The following PDZD9 variants were observed in gnomAD, a reference collection of about 807,000 sequenced individuals.
PDZD9 encodes PDZ domain-containing protein 9.
A neutral mutation model predicts 16.3 loss-of-function variants in PDZD9; 13 were observed. That is an observed-to-expected ratio of 0.80 (90% CI 0.52 to 1.27). The LOEUF is 1.27. Ranked by LOEUF, PDZD9 falls within the 50% of genes most tolerant of loss-of-function variation. PDZD9 has a pLI of 0.00. For missense variants in PDZD9, 288 were observed against 310.9 expected (o/e 0.93, Z 0.55); for synonymous variants, 120 against 111.0 (o/e 1.08, Z -0.51).
At chr16:21,978,383 T>G in the PDZD9 span, among the ~76,000 whole-genome samples, 4 of 152,244 alleles carry the variant, frequency 2.6e-5, no homozygotes, top group Non-Finnish European at 5.9e-5. Context: ...AACTCGACTG[T>G]CTTATCAAAC....
chr16:21,989,854 AAAG>A (rs1158525371), intron 2 of PDZD9, among the ~76,000 whole-genome samples: 4 of 152,112 alleles, frequency 2.6e-5, no homozygotes, highest in African/African-American at 9.7e-5. Flanking sequence ...AGGAAGCTAA[AAAG>A]ACCAATTTTT....
chr16:21,976,052 T>C, the PDZD9 span: 1 of 667,308 alleles, frequency 1.5e-6, no homozygotes, highest in South Asian at 1.8e-5. Flanking sequence ...GACACTGTGC[T>C]GTTTGTCTGG....
At chr16:21,974,489 C>T in the PDZD9 span, among the ~76,000 whole-genome samples, 1 of 152,092 alleles carries the variant, frequency 6.6e-6, no homozygotes, top group Admixed American at 6.5e-5. Context: ...CATTTTGACC[C>T]ACAGTGAAAT....
the PDZD9 span, among the ~76,000 whole-genome samples, chr16:21,963,380 A>G: frequency 6.6e-6 from 1 of 152,214 alleles, no homozygotes; most frequent in South Asian, 2.1e-4. Context: ...CTAAACATTT[A>G]TAATCATTTT....
the PDZD9 span, among the ~76,000 whole-genome samples, chr16:21,964,801 A>G: frequency 7.9e-5 from 12 of 152,188 alleles, no homozygotes; most frequent in Non-Finnish European, 1.3e-4. Flanking sequence ...CAGGCATTGT[A>G]TGTTCCACAT....
chr16:21,972,086 C>T, the PDZD9 span: 1 of 1,614,038 alleles, frequency 6.2e-7, no homozygotes, highest in Non-Finnish European at 8.5e-7. Flanking sequence ...GCCATCTGCA[C>T]CAGGCTGTTG....
intron 3 of PDZD9, 147 bp from the exon 4 acceptor site, chr16:21,984,807 C>G (rs765522404): frequency 8.6e-6 from 5 of 579,950 alleles, no homozygotes; most frequent in Non-Finnish European, 1.3e-5. Context: ...AAATGTTTCT[C>G]TTTTTTAAAT....
the PDZD9 span, chr16:21,972,068 C>T: frequency 2.5e-6 from 4 of 1,614,096 alleles, no homozygotes; most frequent in Non-Finnish European, 2.5e-6. Flanking sequence ...GGGGCAGCAA[C>T]ACCACCAGCC....
the PDZD9 span, chr16:21,971,916 G>C: frequency 1.2e-6 from 2 of 1,613,516 alleles, no homozygotes; most frequent in African/African-American, 2.7e-5. Context: ...CCTTAATCTG[G>C]CCCCAGGTGA....
At chr16:21,992,960 G>GT (rs1344042288) in intron 2 of PDZD9, among the ~76,000 whole-genome samples, 2 of 152,050 alleles carry the variant, frequency 1.3e-5, no homozygotes, top group Non-Finnish European at 2.9e-5. Context: ...AGATCTGATG[G>GT]TTTTATGAGT....
downstream of PDZD9, among the ~76,000 whole-genome samples, chr16:21,981,569 T>C (rs530576986): frequency 2.5e-4 from 38 of 151,920 alleles, no homozygotes; most frequent in Non-Finnish European, 4.9e-4. Flanking sequence ...GACTGGGCAA[T>C]GTAGCAAAAC....
intron 2 of PDZD9, 116 bp from the exon 3 acceptor site, chr16:21,988,907 G>T: frequency 9.0e-5 from 60 of 668,924 alleles, no homozygotes; most frequent in Non-Finnish European, 1.1e-4. Flanking sequence ...GATTCTTTTT[G>T]AACCAAAACC....
the PDZD9 span, among the ~76,000 whole-genome samples, chr16:21,963,370 C>G: frequency 1.3e-5 from 2 of 152,146 alleles, no homozygotes; most frequent in Admixed American, 1.3e-4. Context: ...TCTTTTGTTT[C>G]TAAACATTTA....
the PDZD9 span, chr16:21,962,478 A>G: frequency 6.2e-7 from 1 of 1,614,198 alleles, no homozygotes; most frequent in Non-Finnish European, 8.5e-7. Flanking sequence ...CAACAAGGGA[A>G]AACATGGCTT....
chr16:21,961,845 G>T, the PDZD9 span, among the ~76,000 whole-genome samples: 2 of 151,022 alleles, frequency 1.3e-5, no homozygotes, highest in African/African-American at 2.4e-5. Flanking sequence ...AGAGACCATG[G>T]TTTCACCCTG....
At chr16:21,994,336 C>T (rs1015143063) in intron 2 of PDZD9, among the ~76,000 whole-genome samples, 1 of 152,224 alleles carries the variant, frequency 6.6e-6, no homozygotes, top group Non-Finnish European at 1.5e-5. Context: ...GTGTCAGACC[C>T]TGAGCCTGAA....
chr16:21,991,307 C>T (rs1304880160), intron 2 of PDZD9, among the ~76,000 whole-genome samples: 1 of 152,082 alleles, frequency 6.6e-6, no homozygotes, highest in Non-Finnish European at 1.5e-5. Flanking sequence ...ACAAATACAG[C>T]TCACTGCAGC....
chr16:21,978,344 A>G, the PDZD9 span, among the ~76,000 whole-genome samples: 3 of 152,192 alleles, frequency 2.0e-5, no homozygotes, highest in Admixed American at 1.3e-4. Flanking sequence ...GTAGAGTGTT[A>G]AAGGATGATA....
chr16:21,976,747 G>A, the PDZD9 span: 1 of 152,174 alleles, frequency 6.6e-6, no homozygotes, highest in Admixed American at 6.5e-5. Flanking sequence ...GGGACCATCT[G>A]TATACTTTTT....
Sources: allele counts gnomAD v4.1 joint callset (sites outside exome capture counted in the v4.1 genomes callset), GRCh38; gene constraint gnomAD v4.1.1; transcripts MANE v1.5; gene names NCBI Gene and HGNC (gene_info 2026-07-23, HGNC 2026-07-21).